The following RSPH14 variants were observed in gnomAD, a reference collection of about 807,000 sequenced individuals.
RSPH14 encodes radial spoke head 14 homolog.
In RSPH14, 20 loss-of-function variants were observed where a neutral mutation model predicts 26.7. The ratio of observed to expected loss-of-function variants is 0.75; its 90% CI spans 0.53 to 1.09. The LOEUF (loss-of-function observed/expected upper bound fraction) is 1.09. RSPH14 is among the 50% of genes least tolerant of loss of function. The probability of loss-of-function intolerance (pLI) is 0.00; values close to 1 mark genes in which losing one functional copy is unlikely to be tolerated. For synonymous variants in RSPH14, 177 were observed against 189.3 expected (o/e 0.93, Z 0.53); for missense variants, 449 against 457.2 (o/e 0.98, Z 0.16).
chr22:23,143,845 C>A (rs1169584053), upstream of RSPH14, among the ~76,000 whole-genome samples: 1 of 152,206 alleles, frequency 6.6e-6, no homozygotes, highest in Admixed American at 6.5e-5. Context: ...AATCCCAACA[C>A]TTTGGGAAGC....
chr22:23,163,785 T>C, the RSPH14 span: 3 of 152,198 alleles, frequency 2.0e-5, no homozygotes, highest in Non-Finnish European at 4.4e-5. Context: ...GGCTTGTTTG[T>C]TGTTTTCACC....
At chr22:23,153,908 C>T in the RSPH14 span, among the ~76,000 whole-genome samples, 6 of 152,074 alleles carry the variant, frequency 3.9e-5, no homozygotes, top group East Asian at 7.7e-4. Context: ...ATGCTGATCT[C>T]GAACTCCTGA....
At chr22:23,061,401 G>T (rs1601722761) in intron 6 of RSPH14, among the ~76,000 whole-genome samples, 1 of 152,136 alleles carries the variant, frequency 6.6e-6, no homozygotes, top group African/African-American at 2.4e-5. Flanking sequence ...TCCAGTTTAA[G>T]AAAAATAATT....
chr22:23,115,700 T>G (rs2069810865), intron 4 of RSPH14, among the ~76,000 whole-genome samples: 1 of 152,056 alleles, frequency 6.6e-6, no homozygotes, highest in African/African-American at 2.4e-5. Flanking sequence ...CCCCTGCAAA[T>G]GGAGGGGCCC....
At chr22:23,068,355 C>A (rs566816202) in intron 4 of RSPH14, among the ~76,000 whole-genome samples, 4 of 152,386 alleles carry the variant, frequency 2.6e-5, no homozygotes, top group African/African-American at 9.6e-5. Flanking sequence ...CCTCACATGA[C>A]TGTAAGGCCC....
chr22:23,140,850 A>C (rs899388891), intron 1 of RSPH14, among the ~76,000 whole-genome samples: 5 of 152,172 alleles, frequency 3.3e-5, no homozygotes, highest in Non-Finnish European at 7.4e-5. Context: ...CTACCCCATA[A>C]GGAGGGGGCT....
the RSPH14 span, among the ~76,000 whole-genome samples, chr22:23,157,324 C>T: frequency 6.6e-6 from 1 of 151,792 alleles, no homozygotes; most frequent in Non-Finnish European, 1.5e-5. Context: ...AATCTCGGCT[C>T]ACTGCAAGCT....
intron 4 of RSPH14, among the ~76,000 whole-genome samples, chr22:23,130,090 A>G (rs1448349791): frequency 3.3e-5 from 1 of 30,452 alleles, no homozygotes; most frequent in South Asian, 1.3e-3. Flanking sequence ...AAAGGAAGAA[A>G]GAAAGAAAGA....
At chr22:23,101,138 T>A (rs568747379) in intron 4 of RSPH14, among the ~76,000 whole-genome samples, 1 of 152,164 alleles carries the variant, frequency 6.6e-6, no homozygotes, top group Non-Finnish European at 1.5e-5. Context: ...CTCCCCAGCA[T>A]ACCAGGGCTT....
chr22:23,150,960 C>T, the RSPH14 span, among the ~76,000 whole-genome samples: 14 of 152,218 alleles, frequency 9.2e-5, no homozygotes, highest in Admixed American at 2.0e-4. Context: ...CTTCCTGCCG[C>T]GGCAGCTCCT....
the RSPH14 span, chr22:23,153,136 T>A: frequency 1.2e-6 from 2 of 1,612,514 alleles, no homozygotes; most frequent in East Asian, 4.5e-5. Flanking sequence ...CCTCCAGATG[T>A]AAGTTGCTGG....
At chr22:23,068,187 C>T (rs906408748) in intron 4 of RSPH14, among the ~76,000 whole-genome samples, 2 of 152,346 alleles carry the variant, frequency 1.3e-5, no homozygotes, top group East Asian at 1.9e-4. Flanking sequence ...GCACCGTCCC[C>T]GCCTTGGAAC....
chr22:23,145,326 C>T (rs1408885206), upstream of RSPH14: 2 of 1,569,430 alleles, frequency 1.3e-6, no homozygotes, highest in South Asian at 1.1e-5. Context: ...AGTCTCTCTG[C>T]TGCCAGCCCC....
intron 4 of RSPH14, among the ~76,000 whole-genome samples, chr22:23,090,696 C>T: frequency 6.6e-6 from 1 of 152,208 alleles, no homozygotes; most frequent in Non-Finnish European, 1.5e-5. Context: ...ATACTCATCT[C>T]TTACCAGGAG....
At chr22:23,060,127 G>A (rs570390182) in intron 6 of RSPH14, among the ~76,000 whole-genome samples, 3 of 152,174 alleles carry the variant, frequency 2.0e-5, no homozygotes, top group East Asian at 1.9e-4. Flanking sequence ...TGCAGTGATC[G>A]TGACATCGTA....
chr22:23,174,977 GA>G, the RSPH14 span, among the ~76,000 whole-genome samples: 1 of 147,854 alleles, frequency 6.8e-6, no homozygotes, highest in African/African-American at 2.5e-5. Context: ...CAAAAAAAAA[GA>G]AAAAAAGATT....
chr22:23,141,504 A>G (rs1028749386), intron 1 of RSPH14, among the ~76,000 whole-genome samples: 1 of 152,166 alleles, frequency 6.6e-6, no homozygotes, highest in Non-Finnish European at 1.5e-5. Context: ...AGGGGAGATG[A>G]TAACAGTACC....
the RSPH14 span, chr22:23,158,004 C>G: frequency 6.2e-7 from 1 of 1,614,218 alleles, no homozygotes. Context: ...ATCATCACGG[C>G]CTTTGACCTC....
chr22:23,063,933 T>TGCG lies in RSPH14; in HGVS notation c.619_621dup (p.Arg207dup). On this transcript the variant is annotated inframe_insertion, in exon 5 of 7. Coordinates refer to ENST00000216036, the MANE Select transcript of RSPH14 (RefSeq NM_014433.3). ...TTAAGGAGCGCACGGGCGGCCTTGC[T>TGCG]GCGGATGTTCTGGTTGGCGCTGAGG... The TGCG allele has an allele frequency of 6.2e-7, 1 of 1,614,176 alleles. No individual in the cohort carries two copies. The highest frequency in any genetic ancestry group is 8.5e-7 in the Non-Finnish European group (1 of 1,180,020).
Sources: gnomAD v4.1 joint callset for allele counts (sites outside exome capture counted in the v4.1 genomes callset) on GRCh38, gnomAD v4.1.1 for gene constraint, MANE v1.5 for transcripts, NCBI Gene and HGNC (gene_info 2026-07-23, HGNC 2026-07-21) for gene names.